NRG4: variants seen among roughly 807,000 people sequenced by gnomAD.
NRG4 encodes neuregulin 4, also known as pro-neuregulin-4, membrane-bound isoform.
In NRG4, 10 loss-of-function variants were observed where a neutral mutation model predicts 15.0. The observed-to-expected ratio is 0.67, with a 90% CI of 0.41 to 1.13. The LOEUF (loss-of-function observed/expected upper bound fraction) is 1.13. NRG4 is among the 50% of genes most tolerant of loss of function. The probability of loss-of-function intolerance (pLI) is 0.00; values close to 1 mark genes in which losing one functional copy is unlikely to be tolerated. For missense variants in NRG4, 139 were observed against 140.2 expected (o/e 0.99, Z 0.04); for synonymous variants, 41 against 50.1 (o/e 0.82, Z 0.77).
At chr15:76,004,617 A>AAT (rs2034533726) in intron 3 of NRG4, among the ~76,000 whole-genome samples, 2 of 149,868 alleles carry the variant, frequency 1.3e-5, no homozygotes, top group African/African-American at 2.5e-5. Context: ...AAAAAAAAAA[A>AAT]TTTTTTTTTA....
At chr15:75,947,695 A>AT (rs879493183) in intron 5 of NRG4, among the ~76,000 whole-genome samples, 21 of 151,596 alleles carry the variant, frequency 1.4e-4, no homozygotes, top group African/African-American at 2.9e-4. Flanking sequence ...ATTCTGTTTA[A>AT]TTTTTTTTTG....
At chr15:76,032,552 C>T (rs1345312861) in intron 5 of NRG4, among the ~76,000 whole-genome samples, 3 of 152,120 alleles carry the variant, frequency 2.0e-5, no homozygotes, top group Non-Finnish European at 2.9e-5. Context: ...AAATAACAAA[C>T]ATAAAATCTT....
intron 3 of NRG4, among the ~76,000 whole-genome samples, chr15:75,994,841 G>A (rs1032557236): frequency 2.6e-5 from 4 of 152,152 alleles, no homozygotes; most frequent in African/African-American, 9.7e-5. Context: ...TAGTCTATTT[G>A]CATTGCTGTA....
intron 3 of NRG4, among the ~76,000 whole-genome samples, chr15:75,992,506 T>C (rs2034055668): frequency 1.3e-5 from 2 of 152,184 alleles, no homozygotes; most frequent in South Asian, 4.1e-4. Flanking sequence ...ATGATATAAT[T>C]CACATACCGT....
intron 3 of NRG4, among the ~76,000 whole-genome samples, chr15:75,965,279 A>C (rs1260776772): frequency 6.6e-6 from 1 of 152,208 alleles, no homozygotes. Flanking sequence ...TAAATGTTTT[A>C]ACTGGACAAT....
At chr15:76,052,356 C>T (rs1244412550) in intron 3 of NRG4, among the ~76,000 whole-genome samples, 1 of 151,012 alleles carries the variant, frequency 6.6e-6, no homozygotes, top group African/African-American at 2.5e-5. Flanking sequence ...TTTAATTTTT[C>T]CCCCTTTCAC....
At chr15:75,985,664 C>T (rs2033773571) in intron 3 of NRG4, among the ~76,000 whole-genome samples, 1 of 152,200 alleles carries the variant, frequency 6.6e-6, no homozygotes, top group Admixed American at 6.5e-5. Flanking sequence ...CAACGGCCAA[C>T]TTCGCAAGGA....
chr15:75,985,241 A>C (rs540049668), intron 3 of NRG4, among the ~76,000 whole-genome samples: 4 of 152,240 alleles, frequency 2.6e-5, no homozygotes, highest in African/African-American at 9.6e-5. Flanking sequence ...AGTTTTACCC[A>C]CAGTAATGAT....
At chr15:75,985,017 G>T (rs1192951261) in intron 3 of NRG4, among the ~76,000 whole-genome samples, 1 of 152,122 alleles carries the variant, frequency 6.6e-6, no homozygotes, top group East Asian at 1.9e-4. Flanking sequence ...GCTAATTTTT[G>T]TATTTTTAGT....
At chr15:75,974,641 G>A (rs1019318084) in intron 3 of NRG4, among the ~76,000 whole-genome samples, 5 of 152,132 alleles carry the variant, frequency 3.3e-5, no homozygotes, top group African/African-American at 4.8e-5. Context: ...GGATTAGATT[G>A]TTCAGTTTCC....
At chr15:75,951,975 T>C (rs1371260687) in intron 5 of NRG4, among the ~76,000 whole-genome samples, 2 of 152,206 alleles carry the variant, frequency 1.3e-5, no homozygotes, top group African/African-American at 4.8e-5. Context: ...TAACATTTAC[T>C]TTAGTGAGGT....
downstream of NRG4, chr15:75,940,803 C>T (rs907187986): frequency 6.6e-6 from 1 of 151,914 alleles, no homozygotes; most frequent in Admixed American, 6.6e-5. Flanking sequence ...AAAGTTGCAA[C>T]CTCACTCATT....
At chr15:75,960,208 G>C (rs1239417884) in intron 4 of NRG4, among the ~76,000 whole-genome samples, 1 of 152,172 alleles carries the variant, frequency 6.6e-6, no homozygotes, top group African/African-American at 2.4e-5. Context: ...GCACAAGAGT[G>C]ATTAATGAGG....
At chr15:76,059,858 G>A (rs1002114416), upstream of NRG4, 1 of 144,920 alleles carries the variant, frequency 6.9e-6, no homozygotes, top group Non-Finnish European at 1.5e-5. Flanking sequence ...CCAAGCCGCC[G>A]GCGCGAGGCC....
At chr15:75,946,421 G>C (rs2031510977) in intron 5 of NRG4, among the ~76,000 whole-genome samples, 1 of 152,100 alleles carries the variant, frequency 6.6e-6, no homozygotes, top group African/African-American at 2.4e-5. Context: ...GCAGTGGCAC[G>C]ATCTCAGCTC....
chr15:75,982,869 C>CTAGG (rs1217507808), intron 3 of NRG4, among the ~76,000 whole-genome samples: 1 of 152,196 alleles, frequency 6.6e-6, no homozygotes, highest in Non-Finnish European at 1.5e-5. Flanking sequence ...GACACCTGAA[C>CTAGG]TAGGTAGGCT....
chr15:76,030,229 AG>A (rs1410050064), intron 5 of NRG4, among the ~76,000 whole-genome samples: 1 of 152,164 alleles, frequency 6.6e-6, no homozygotes, highest in African/African-American at 2.4e-5. Context: ...ACTGCACTCC[AG>A]CCTAGGCAAC....
intron 3 of NRG4, among the ~76,000 whole-genome samples, chr15:75,965,939 CT>C (rs1352953879): frequency 4.6e-5 from 7 of 152,204 alleles, no homozygotes; most frequent in Non-Finnish European, 8.8e-5. Context: ...TCTGCACAAA[CT>C]GTTTTAGCAA....
At chr15:75,970,077 T>C (rs1010940098) in intron 3 of NRG4, among the ~76,000 whole-genome samples, 1 of 152,222 alleles carries the variant, frequency 6.6e-6, no homozygotes, top group African/African-American at 2.4e-5. Flanking sequence ...TGCAGAACTC[T>C]TATCTAATAA....
Sources: gnomAD v4.1 joint callset for allele counts (sites outside exome capture counted in the v4.1 genomes callset) on GRCh38, gnomAD v4.1.1 for gene constraint, MANE v1.5 for transcripts, NCBI Gene and HGNC (gene_info 2026-07-23, HGNC 2026-07-21) for gene names.